COLEC12: variants seen among roughly 807,000 people sequenced by gnomAD.
COLEC12 encodes collectin-12.
Under a neutral mutation model 71.1 loss-of-function variants are expected in COLEC12, and 33 were observed. The ratio of observed to expected loss-of-function variants is 0.46; its 90% confidence interval spans 0.35 to 0.62. The LOEUF is 0.62. COLEC12 is among the 20% of genes least tolerant of loss of function. The probability of loss-of-function intolerance (pLI) is 0.00; values close to 1 mark genes in which losing one functional copy is unlikely to be tolerated. For synonymous variants in COLEC12, 350 were observed against 353.0 expected, an observed-to-expected ratio of 0.99 and a Z score of 0.10; for missense variants, 765 against 916.1, an observed-to-expected ratio of 0.84 and a Z score of 2.13.
At chr18:412,487 A>G (rs1431091314) in intron 2 of COLEC12, among the ~76,000 whole-genome samples, 2 of 134,852 alleles carry the variant, frequency 1.5e-5, no homozygotes, top group African/African-American at 5.2e-5. Flanking sequence ...AACAGAAAAA[A>G]AAAAAAGAAA....
intron 2 of COLEC12, among the ~76,000 whole-genome samples, chr18:430,405 T>C (rs1598360711): frequency 6.6e-6 from 1 of 152,242 alleles, no homozygotes; most frequent in African/African-American, 2.4e-5. Flanking sequence ...CTAGATAACT[T>C]TGCATATTAA....
intron 1 of COLEC12, among the ~76,000 whole-genome samples, chr18:495,869 C>T (rs1035886689): frequency 6.6e-6 from 1 of 152,144 alleles, no homozygotes; most frequent in African/African-American, 2.4e-5. Context: ...TAGCTGGGTA[C>T]CCTTAGACAA....
At position 357,506 on chromosome 18, in the gene COLEC12, T is replaced by C. The variant is rs905659161; in HGVS notation, c.75A>G (p.Thr25=). ...GYKRFGIQEG[T]QCTKCKNNWA... ...AGTTATTTTTACATTTGGTACATTG[T>C]GTTCCTTCCTGAATACCTGTAAGAG... The change falls in exon 3 of 10, where the codon ACA becomes ACG. Residue 25 remains threonine (T), a synonymous_variant. Transcript: ENST00000400256. 5.7e-5 allele frequency: 90 copies of C among 1,569,220 alleles called. No individual in the cohort carries two copies. The highest frequency in any genetic ancestry group is 7.7e-5 in the Non-Finnish European group (89 of 1,155,052).
chr18:493,129 C>T (rs557675097), intron 1 of COLEC12, among the ~76,000 whole-genome samples: 155 of 152,334 alleles, frequency 1.0e-3, no homozygotes, highest in Admixed American at 2.0e-3. Flanking sequence ...ATCGCTCGAA[C>T]CCAAGAGACA....
chr18:415,386 A>T (rs1297022349), intron 2 of COLEC12, among the ~76,000 whole-genome samples: 1 of 152,108 alleles, frequency 6.6e-6, no homozygotes, highest in East Asian at 1.9e-4. Flanking sequence ...CCTAGGGATG[A>T]GGTAGCGCCT....
chr18:452,179 C>T (rs931248602), intron 2 of COLEC12, among the ~76,000 whole-genome samples: 1 of 152,116 alleles, frequency 6.6e-6, no homozygotes, highest in Non-Finnish European at 1.5e-5. Flanking sequence ...CTCACATACA[C>T]CGTGTTGGAA....
intron 8 of COLEC12, among the ~76,000 whole-genome samples, chr18:328,545 T>C (rs1913897986): frequency 6.6e-6 from 1 of 152,210 alleles, no homozygotes; most frequent in Admixed American, 6.5e-5. Flanking sequence ...ATAATAATTA[T>C]GATGATAATA....
intron 3 of COLEC12, 105 bp downstream of exon 3, chr18:357,295 G>T: frequency 1.8e-6 from 2 of 1,085,226 alleles, no homozygotes; most frequent in Non-Finnish European, 2.7e-6. Flanking sequence ...TTGCATCTGA[G>T]TTGTATGAAT....
At chr18:368,944 C>T (rs1006111411) in intron 2 of COLEC12, among the ~76,000 whole-genome samples, 15 of 152,274 alleles carry the variant, frequency 9.9e-5, no homozygotes, top group Admixed American at 7.8e-4. Context: ...TTATCATGGG[C>T]GTGACTGGAG....
chr18:347,493 A>G (rs912911722), intron 4 of COLEC12, 152 bp from the exon 5 acceptor site: 3 of 617,220 alleles, frequency 4.9e-6, no homozygotes, highest in Admixed American at 3.1e-5. Context: ...TAAAATGTAC[A>G]TATCTATTAA....
At chr18:374,068 T>C (rs73942877) in intron 2 of COLEC12, among the ~76,000 whole-genome samples, 4,935 of 152,232 alleles carry the variant, frequency 0.032, 267 homozygotes, top group African/African-American at 0.11. Context: ...TGTAAACCAT[T>C]GCTAGAATTG....
intron 2 of COLEC12, among the ~76,000 whole-genome samples, chr18:461,980 T>C (rs1416366860): frequency 2.0e-5 from 3 of 152,232 alleles, no homozygotes; most frequent in Non-Finnish European, 2.9e-5. Context: ...AAACCACTCT[T>C]AGGTCATTCC....
chr18:406,596 C>T (rs1399141636), intron 2 of COLEC12, among the ~76,000 whole-genome samples: 1 of 151,158 alleles, frequency 6.6e-6, no homozygotes, highest in African/African-American at 2.4e-5. Context: ...TTATTTTATT[C>T]CTTTACTTTC....
intron 8 of COLEC12, among the ~76,000 whole-genome samples, chr18:325,014 C>T (rs2143411881): frequency 6.6e-6 from 1 of 152,058 alleles, no homozygotes. Flanking sequence ...CACAGTGAGA[C>T]CACCATCTCT....
intron 8 of COLEC12, among the ~76,000 whole-genome samples, chr18:326,955 A>G (rs888688795): frequency 2.6e-5 from 4 of 152,190 alleles, no homozygotes; most frequent in African/African-American, 9.7e-5. Context: ...CTGCCTTTTT[A>G]AAACATGATC....
At chr18:460,321 T>C (rs1916957090) in intron 2 of COLEC12, among the ~76,000 whole-genome samples, 1 of 152,148 alleles carries the variant, frequency 6.6e-6, no homozygotes, top group Non-Finnish European at 1.5e-5. Context: ...GTGTCACCTT[T>C]TGAATCCCCC....
chr18:328,007 T>C (rs976975279), intron 8 of COLEC12, among the ~76,000 whole-genome samples: 2 of 152,280 alleles, frequency 1.3e-5, no homozygotes, highest in African/African-American at 2.4e-5. Context: ...CCTTTTTTTT[T>C]CCTCGTTTTT....
chr18:500,024 C>A lies in COLEC12; in HGVS notation c.7+484G>T, dbSNP rs961560897. Among the ~76,000 whole-genome samples the A allele has an allele frequency of 6.6e-6, 1 of 152,200 alleles. No individual in the cohort carries two copies. Among genetic ancestry groups the A allele is most frequent in the African/African-American group, 2.4e-5 (1 of 41,466 alleles). Reference sequence around the variant, plus strand: ...ATCATTGCCAGATGTGGCGAGGGCGCACGGAGAACATCCCCAGTCCCGGAG... The same window carrying A: ...ATCATTGCCAGATGTGGCGAGGGCGAACGGAGAACATCCCCAGTCCCGGAG... On this transcript the variant is annotated intron_variant, in intron 1 of 9. Coordinates refer to ENST00000400256, the MANE Select transcript of COLEC12 (RefSeq NM_130386.3). The surrounding 1 kb of genome is among the most constrained non-coding windows in gnomAD (Gnocchi z 5.3).
At chr18:457,681 T>C (rs535820593) in intron 2 of COLEC12, among the ~76,000 whole-genome samples, 9 of 152,340 alleles carry the variant, frequency 5.9e-5, no homozygotes, top group East Asian at 1.9e-4. Flanking sequence ...TGAAGCTCAC[T>C]AGACTCTTCC....
Sources: allele counts gnomAD v4.1 joint callset (sites outside exome capture counted in the v4.1 genomes callset), GRCh38; gene constraint gnomAD v4.1.1; non-coding constraint Gnocchi (gnomAD v3.1); transcripts MANE v1.5; gene names NCBI Gene and HGNC (gene_info 2026-07-23, HGNC 2026-07-21).